Variants in TRAPPC9 observed in about 807,000 individuals in gnomAD.
The protein encoded by TRAPPC9 is IKK2 binding protein.
TRAPPC9 carries 83 observed loss-of-function variants against 124.0 expected under a neutral mutation model. The ratio of observed to expected loss-of-function variants is 0.67; its 90% CI spans 0.56 to 0.80. TRAPPC9 has a LOEUF of 0.80. TRAPPC9 is among the 30% of genes least tolerant of loss of function. The pLI, the probability that TRAPPC9 is intolerant of heterozygous loss-of-function variation, is 0.00. For synonymous variants in TRAPPC9, 638 were observed against 617.5 expected (o/e 1.03, Z -0.49); for missense variants, 1,302 against 1,508.3 (o/e 0.86, Z 2.27).
chr8:139,807,474 C>G (rs926556696), intron 21 of TRAPPC9, among the ~76,000 whole-genome samples: 6 of 152,162 alleles, frequency 3.9e-5, no homozygotes, highest in Non-Finnish European at 5.9e-5. Flanking sequence ...ATTAATAAAA[C>G]AGAGGACCCT....
chr8:140,158,439 G>A (rs971037678), intron 17 of TRAPPC9, among the ~76,000 whole-genome samples: 5 of 152,212 alleles, frequency 3.3e-5, no homozygotes, highest in Non-Finnish European at 5.9e-5. Context: ...CAGGCAGCCT[G>A]CAGAAGCCAG....
chr8:140,135,177 G>A (rs995438631), intron 17 of TRAPPC9, among the ~76,000 whole-genome samples: 3 of 152,180 alleles, frequency 2.0e-5, no homozygotes, highest in African/African-American at 7.2e-5. Context: ...AAGTGCTGGG[G>A]GGATGTCGAG....
chr8:139,840,912 G>T (rs1215867379), intron 21 of TRAPPC9, among the ~76,000 whole-genome samples: 1 of 152,172 alleles, frequency 6.6e-6, no homozygotes, highest in East Asian at 1.9e-4. Flanking sequence ...CCCTTCTAGG[G>T]TGCTTGGAAG....
intron 9 of TRAPPC9, among the ~76,000 whole-genome samples, chr8:140,318,985 G>A (rs1361160590): frequency 3.3e-5 from 5 of 152,104 alleles, no homozygotes; most frequent in Non-Finnish European, 7.3e-5. Context: ...TGTTCCACAT[G>A]CCAAGCTGGA....
chr8:140,018,966 C>G (rs960769333), intron 18 of TRAPPC9, among the ~76,000 whole-genome samples: 1 of 152,176 alleles, frequency 6.6e-6, no homozygotes, highest in African/African-American at 2.4e-5. Context: ...CTTTGTCAGA[C>G]TGAGGAAGTT....
chr8:139,764,172 T>G (rs1299427077), intron 21 of TRAPPC9, among the ~76,000 whole-genome samples: 1 of 151,790 alleles, frequency 6.6e-6, no homozygotes. Context: ...ACTGTCTGGA[T>G]GGAGTGGTGG....
Position 140,432,107 on chromosome 8 carries a change from GTCT to G in TRAPPC9, c.859+3002_859+3004del, listed in dbSNP as rs1246065193. 5.3e-5 allele frequency among the ~76,000 whole-genome samples: 8 copies of G among 152,238 alleles called. No homozygotes were observed. In the East Asian group the frequency reaches 1.5e-3, roughly 29 times the overall value. The stretch of plus-strand genomic sequence containing the variant: ...TTCAAATGAAGGAAGCCTTGTCTAA[GTCT>G]TCTTTCACCAACAGGGAAATTAGGA... On this transcript the variant is annotated intron_variant, in intron 4 of 22. Coordinates refer to ENST00000438773, the MANE Select transcript of TRAPPC9 (RefSeq NM_001160372.4).
At chr8:140,224,822 C>A (rs114882874) in intron 16 of TRAPPC9, among the ~76,000 whole-genome samples, 27 of 152,170 alleles carry the variant, frequency 1.8e-4, no homozygotes, top group Admixed American at 1.6e-3. Context: ...AAAGCAAGTA[C>A]GTCTTCCTCA....
chr8:140,297,128 C>T (rs761641689), intron 11 of TRAPPC9, among the ~76,000 whole-genome samples: 1 of 152,180 alleles, frequency 6.6e-6, no homozygotes, highest in Admixed American at 6.5e-5. Flanking sequence ...CCGCAACACA[C>T]GCTGGAGCAC....
At chr8:139,961,689 T>A (rs1835380095) in intron 19 of TRAPPC9, among the ~76,000 whole-genome samples, 1 of 123,068 alleles carries the variant, frequency 8.1e-6, no homozygotes, top group African/African-American at 2.6e-5. Flanking sequence ...GGCTCAGGGG[T>A]GTCTGCTCCC....
chr8:140,027,595 G>A (rs747157550), intron 17 of TRAPPC9, among the ~76,000 whole-genome samples: 4 of 152,174 alleles, frequency 2.6e-5, no homozygotes, highest in Non-Finnish European at 2.9e-5. Flanking sequence ...CCACAAAAAA[G>A]ATATAATTAT....
intron 17 of TRAPPC9, among the ~76,000 whole-genome samples, chr8:140,127,652 A>C (rs766213401): frequency 6.6e-6 from 1 of 152,254 alleles, no homozygotes; most frequent in Non-Finnish European, 1.5e-5. Flanking sequence ...GATAACAAAA[A>C]TACATATTCC....
At chr8:140,366,040 G>A (rs997681356) in intron 8 of TRAPPC9, among the ~76,000 whole-genome samples, 1 of 152,168 alleles carries the variant, frequency 6.6e-6, no homozygotes, top group African/African-American at 2.4e-5. Flanking sequence ...TTCTGTTCCT[G>A]CAGTAGTTTG....
chr8:140,408,405 C>T (rs1470720432), intron 5 of TRAPPC9, among the ~76,000 whole-genome samples: 1 of 151,954 alleles, frequency 6.6e-6, no homozygotes, highest in Admixed American at 6.6e-5. Flanking sequence ...GTATACAAGG[C>T]ACAAAACTGG....
chr8:139,973,797 C>A (rs1055301384), intron 19 of TRAPPC9, among the ~76,000 whole-genome samples: 2 of 152,036 alleles, frequency 1.3e-5, no homozygotes, highest in African/African-American at 4.8e-5. Context: ...GAGTGCCAGG[C>A]CCCCAAACCA....
intron 20 of TRAPPC9, among the ~76,000 whole-genome samples, chr8:139,901,346 A>G (rs1831007423): frequency 2.0e-5 from 3 of 152,250 alleles, no homozygotes; most frequent in Admixed American, 2.0e-4. Context: ...AGACTGCTTT[A>G]AATGATTAAT....
At position 139,800,898 on chromosome 8, in the gene TRAPPC9, G is replaced by A. The variant is rs536501218; in HGVS notation, c.3056-68696C>T. Among the ~76,000 whole-genome samples, 162 of 122,352 alleles carry A rather than the reference G, an allele frequency of 1.3e-3. 2 individuals are homozygous for A. Among genetic ancestry groups the A allele is most frequent in the African/African-American group, 5.0e-3 (153 of 30,840 alleles). 80.3% of individuals were successfully genotyped at this position (122,352 alleles called of 152,430 possible). ...TCCCTCTGGTATCTTCCCGCCCTCC[G>A]GTACCTTCCCTCCCTCCGGTACCTT... On this transcript the variant is annotated intron_variant, in intron 21 of 22. Coordinates refer to ENST00000438773, the MANE Select transcript of TRAPPC9 (RefSeq NM_001160372.4).
intron 17 of TRAPPC9, among the ~76,000 whole-genome samples, chr8:140,102,977 G>C (rs966968199): frequency 2.6e-5 from 4 of 152,272 alleles, no homozygotes; most frequent in African/African-American, 4.8e-5. Context: ...GACTTACGAA[G>C]ATGAGGCATA....
chr8:139,987,696 G>A (rs1050387844), intron 19 of TRAPPC9, among the ~76,000 whole-genome samples: 3 of 152,194 alleles, frequency 2.0e-5, no homozygotes, highest in South Asian at 4.1e-4. Context: ...CCATGTGTAA[G>A]TGTGTGTCCC....
Sources: allele counts gnomAD v4.1 joint callset (sites outside exome capture counted in the v4.1 genomes callset), GRCh38; gene constraint gnomAD v4.1.1; transcripts MANE v1.5; gene names NCBI Gene and HGNC (gene_info 2026-07-23, HGNC 2026-07-21).